DACH1: variants seen among roughly 807,000 people sequenced by gnomAD.
DACH1 encodes the protein dachshund homolog 1.
Under a neutral mutation model 54.2 loss-of-function variants are expected in DACH1, and 12 were observed. The ratio of observed to expected loss-of-function variants is 0.22; its 90% confidence interval spans 0.14 to 0.36. DACH1 has a LOEUF of 0.36. Ranked by LOEUF, DACH1 falls within the 10% of genes least tolerant of loss-of-function variation. The pLI is 1.00. For missense variants in DACH1, 805 were observed against 929.8 expected (o/e 0.87, Z 1.75); for synonymous variants, 386 against 366.2 (o/e 1.05, Z -0.62).
intron 1 of DACH1, among the ~76,000 whole-genome samples, chr13:71,748,379 G>A (rs768977142): frequency 2.6e-5 from 4 of 152,140 alleles, no homozygotes; most frequent in Non-Finnish European, 5.9e-5. Context: ...AGAGATCTTA[G>A]AGATAAAAAA....
chr13:71,546,231 T>A (rs1883456694), intron 6 of DACH1, among the ~76,000 whole-genome samples: 1 of 152,080 alleles, frequency 6.6e-6, no homozygotes, highest in African/African-American at 2.4e-5. Flanking sequence ...ATTGTCAGAC[T>A]GATTTACCTT....
chr13:71,513,465 G>T (rs1880932986), intron 6 of DACH1, among the ~76,000 whole-genome samples: 1 of 151,958 alleles, frequency 6.6e-6, no homozygotes, highest in Admixed American at 6.6e-5. Flanking sequence ...AATATTAGTA[G>T]AAGCAAGGCA....
At chr13:71,533,402 G>C (rs969789993) in intron 6 of DACH1, among the ~76,000 whole-genome samples, 10 of 151,880 alleles carry the variant, frequency 6.6e-5, no homozygotes, top group African/African-American at 2.4e-4. Context: ...ATATCTTTTA[G>C]GACAAAACTC....
At chr13:71,615,347 G>T (rs534281538) in intron 3 of DACH1, among the ~76,000 whole-genome samples, 2 of 151,994 alleles carry the variant, frequency 1.3e-5, no homozygotes, top group Non-Finnish European at 2.9e-5. Context: ...ACTGTTCTTC[G>T]GTAAATCCCA....
At chr13:71,632,815 T>A (rs952657438) in intron 2 of DACH1, among the ~76,000 whole-genome samples, 4 of 152,194 alleles carry the variant, frequency 2.6e-5, no homozygotes, top group Admixed American at 2.6e-4. Flanking sequence ...CATCTGGGTT[T>A]GATCTGAACA....
intron 1 of DACH1, among the ~76,000 whole-genome samples, chr13:71,804,838 T>C (rs1030622015): frequency 3.9e-5 from 6 of 152,192 alleles, no homozygotes; most frequent in Non-Finnish European, 7.3e-5. Context: ...TTCAACATCC[T>C]GACTTGTATT....
chr13:71,489,141 G>T lies in DACH1; in HGVS notation c.1578C>A (p.Thr526=). 6.2e-7 allele frequency: 1 copy of T among 1,611,800 alleles called. No homozygotes were observed. The highest frequency in any genetic ancestry group is 1.1e-5 in the South Asian group (1 of 90,842). ...CTCTTGCGGTTGGTGTAGAAAGCGG[G>T]GTCTCATCTGCATGTGATTGAAACA... ...SKRMHIEKDE[T]PLSTPTARDS... The change falls in exon 7 of 11, where the codon ACC becomes ACA. Residue 526 remains threonine, a synonymous_variant. Transcript: ENST00000613252.
chr13:71,470,658 C>G (rs1458269547), intron 10 of DACH1, among the ~76,000 whole-genome samples: 3 of 152,026 alleles, frequency 2.0e-5, no homozygotes, highest in African/African-American at 7.2e-5. Flanking sequence ...ATCCATTTTT[C>G]CCTCTCATCA....
In DACH1 at chr13:71,757,716, C is replaced by A. The variant is rs570542797; in HGVS notation, c.849-75806G>T. ...TTTTTGTATTTTTGTAGAGATGGGG[C>A]TTCACCATGTTGGCCAGGCTGATCT... On this transcript the variant is annotated intron_variant, in intron 1 of 10. Transcript: ENST00000613252. 2.6e-4 allele frequency among the ~76,000 whole-genome samples: 40 copies of A among 151,882 alleles called. 1 individual carries two copies. In the South Asian group the frequency reaches 8.3e-3, roughly 32 times the overall value.
intron 1 of DACH1, among the ~76,000 whole-genome samples, chr13:71,791,370 G>GTTTT (rs973444889): frequency 6.6e-6 from 1 of 151,978 alleles, no homozygotes; most frequent in Non-Finnish European, 1.5e-5. Context: ...TTGTTTGTTT[G>GTTTT]TTTGGTTTGG....
chr13:71,819,817 T>TA (rs1246189814), intron 1 of DACH1, among the ~76,000 whole-genome samples: 6 of 151,802 alleles, frequency 4.0e-5, no homozygotes, highest in African/African-American at 1.5e-4. Context: ...GAGGAAAAGG[T>TA]AAAACTAAGA....
intron 1 of DACH1, among the ~76,000 whole-genome samples, chr13:71,858,678 G>A (rs1874159603): frequency 6.6e-6 from 1 of 151,540 alleles, no homozygotes; most frequent in Admixed American, 6.6e-5. Flanking sequence ...CCAGTCCCTG[G>A]TAACCACCAT....
In DACH1 at chr13:71,475,757, C is replaced by G; in HGVS notation, c.1963G>C (p.Glu655Gln). The change falls in exon 9 of 11, where the codon GAA (glutamate) becomes CAA (glutamine). Residue 655 changes from glutamate (E) to glutamine (Q), a missense_variant. Physicochemically the swap from Glu to Gln is conservative, Grantham distance 29. Transcript: ENST00000613252. ...GAAGCTGCCTGTTTTAGCGTCTGTT[C>G]TGCTTGTTCACGCCGTTTCGTCTCA... ...EFETKRREQA[E>Q]QTLKQAASTD... 2 of 1,613,734 alleles carry G rather than the reference C, an allele frequency of 1.2e-6. No homozygotes were observed. The highest frequency in any genetic ancestry group is 2.2e-5 in the South Asian group (2 of 91,058).
intron 3 of DACH1, among the ~76,000 whole-genome samples, chr13:71,610,194 C>A (rs537804048): frequency 1.3e-5 from 2 of 152,082 alleles, no homozygotes; most frequent in Admixed American, 6.5e-5. Flanking sequence ...GTTCTATGAA[C>A]CACTAAATAG....
At chr13:71,477,203 C>T (rs1282856365) in intron 8 of DACH1, among the ~76,000 whole-genome samples, 2 of 142,176 alleles carry the variant, frequency 1.4e-5, no homozygotes, top group Non-Finnish European at 3.0e-5. Flanking sequence ...TCACTGAAAG[C>T]TCTGCCTCCC....
chr13:71,444,053 T>C (rs929107649), intron 10 of DACH1, among the ~76,000 whole-genome samples: 4 of 152,120 alleles, frequency 2.6e-5, no homozygotes, highest in Non-Finnish European at 5.9e-5. Context: ...TATTTGTGGT[T>C]TCAGCATAGC....
At chr13:71,507,094 G>T (rs1880393672) in intron 6 of DACH1, among the ~76,000 whole-genome samples, 1 of 151,664 alleles carries the variant, frequency 6.6e-6, no homozygotes, top group African/African-American at 2.4e-5. Context: ...CACAGCAAAA[G>T]AAACTACCAT....
chr13:71,440,751 T>G (rs1237529701), intron 10 of DACH1, 59 bp from the exon 11 acceptor site: 2 of 1,318,668 alleles, frequency 1.5e-6, no homozygotes, highest in Admixed American at 4.3e-5. Flanking sequence ...CAAATGTGCA[T>G]GTAAAAATGA....
chr13:71,590,688 T>A (rs6562677), intron 3 of DACH1, among the ~76,000 whole-genome samples: 150,895 of 152,216 alleles, frequency 0.99, 74,806 homozygotes, highest in Middle Eastern at 1. Flanking sequence ...TGACATTTTA[T>A]TTATAAGAAT....
Sources: gnomAD v4.1 joint callset for allele counts (sites outside exome capture counted in the v4.1 genomes callset) on GRCh38, gnomAD v4.1.1 for gene constraint, MANE v1.5 for transcripts, NCBI Gene and HGNC (gene_info 2026-07-23, HGNC 2026-07-21) for gene names.